The following RAB18 variants were observed in gnomAD, a reference collection of about 807,000 sequenced individuals.
RAB18 encodes RAB18, member RAS oncogene family.
In RAB18, 10 loss-of-function variants were observed where a neutral mutation model predicts 28.5. That is an observed-to-expected ratio of 0.35 (90% CI 0.22 to 0.60). RAB18 has a LOEUF of 0.60. Ranked by LOEUF, RAB18 falls within the 20% of genes least tolerant of loss-of-function variation. RAB18 has a pLI of 0.78. For missense variants in RAB18, 188 were observed against 244.2 expected, an observed-to-expected ratio of 0.77 and a Z score of 1.53; for synonymous variants, 93 against 86.9, an observed-to-expected ratio of 1.07 and a Z score of -0.39.
At position 27,539,894 on chromosome 10, in the gene RAB18, T is replaced by A. The variant is rs1192003287; in HGVS notation, c.*1843T>A. 1 of 453,718 alleles carries A rather than the reference T, an allele frequency of 2.2e-6. No homozygotes were observed. The highest frequency in any genetic ancestry group is 4.4e-6 in the Non-Finnish European group (1 of 226,640). The allele number at this position is 453,718 out of a possible 1,614,324, so 28.1% of individuals were successfully genotyped here. On this transcript the variant is annotated 3_prime_UTR_variant, in exon 7 of 7. Transcript: ENST00000356940. ...CTCATCAGCTGAAGAATATGTACTA[T>A]TGTGTTACTCAAATTATGTGGCTTT...
chr10:27,536,037 A>C (rs375732507), intron 6 of RAB18, among the ~76,000 whole-genome samples: 311 of 151,466 alleles, frequency 2.1e-3, no homozygotes, highest in African/African-American at 6.4e-3. Context: ...GAGCGAGATC[A>C]CGCCACTGCA....
chr10:27,518,087 A>G (rs1482520497), intron 2 of RAB18, among the ~76,000 whole-genome samples: 1 of 152,066 alleles, frequency 6.6e-6, no homozygotes, highest in African/African-American at 2.4e-5. Flanking sequence ...GCTGAGCTAT[A>G]TTCCATTGTG....
intron 2 of RAB18, among the ~76,000 whole-genome samples, chr10:27,510,945 T>A (rs1221047827): frequency 6.6e-6 from 1 of 152,226 alleles, no homozygotes; most frequent in Non-Finnish European, 1.5e-5. Context: ...TTGTCACATT[T>A]GCTTTATCAT....
intron 2 of RAB18, among the ~76,000 whole-genome samples, chr10:27,520,726 G>A (rs775579403): frequency 3.3e-5 from 5 of 151,704 alleles, no homozygotes; most frequent in Non-Finnish European, 5.9e-5. Flanking sequence ...AGATCTGTCT[G>A]GCCAACATGG....
chr10:27,513,361 A>G (rs574924552), intron 2 of RAB18, among the ~76,000 whole-genome samples: 2 of 152,236 alleles, frequency 1.3e-5, no homozygotes, highest in Admixed American at 6.5e-5. Context: ...ACATAAAAAC[A>G]ATTACTTAAT....
intron 6 of RAB18, 103 bp from the exon 7 acceptor site, chr10:27,537,773 T>C (rs1834929977): frequency 1.0e-6 from 1 of 976,270 alleles, no homozygotes; most frequent in Non-Finnish European, 1.5e-6. Flanking sequence ...TGGATCTTAA[T>C]ATATTGTAGG....
At chr10:27,507,156 A>G (rs1837862804) in intron 1 of RAB18, among the ~76,000 whole-genome samples, 3 of 152,216 alleles carry the variant, frequency 2.0e-5, no homozygotes, top group Non-Finnish European at 4.4e-5. Context: ...GTTTGTTTCT[A>G]TTTCATTACA....
rs1166214786 is a variant in RAB18 at position 27,539,604 on chromosome 10, T to C, written c.*1553T>C. On this transcript the variant is annotated 3_prime_UTR_variant, in exon 7 of 7. Transcript: ENST00000356940. Reference sequence around the variant, plus strand: ...ATGTACTTGTGATTTGTTCATGTTATATTAAAACTTGAGATTTGTGTATTT... The same window carrying C: ...ATGTACTTGTGATTTGTTCATGTTACATTAAAACTTGAGATTTGTGTATTT... The C allele has an allele frequency of 1.6e-5, 7 of 447,084 alleles. No homozygotes were observed. The highest frequency in any genetic ancestry group is 3.1e-5 in the Non-Finnish European group (7 of 225,066). 27.7% of individuals were successfully genotyped at this position (447,084 alleles called of 1,614,324 possible). A position where few individuals can be genotyped will look rare whatever the true frequency, so the allele number is the denominator to read the frequency against.
rs970421221 is a variant in RAB18 at position 27,540,242 on chromosome 10, A to G, written c.*2191A>G. 4 of 454,016 alleles carry G rather than the reference A, an allele frequency of 8.8e-6. No homozygotes were observed. Among genetic ancestry groups the G allele is most frequent in the African/African-American group, 8.0e-5 (4 of 50,104 alleles). The allele number at this position is 454,016 out of a possible 1,614,324, so 28.1% of individuals were successfully genotyped here. ...AATTATCTCATTAAACCTCACAGCA[A>G]CCTTAAGAGATTAGTACTCCTATTA... On this transcript the variant is annotated 3_prime_UTR_variant, in exon 7 of 7. Coordinates refer to ENST00000356940, the MANE Select transcript of RAB18 (RefSeq NM_021252.5).
chr10:27,506,091 G>T (rs776901595), intron 1 of RAB18, among the ~76,000 whole-genome samples: 1 of 152,128 alleles, frequency 6.6e-6, no homozygotes, highest in African/African-American at 2.4e-5. Context: ...ACAGCCTTGT[G>T]ATCTTTCTTT....
chr10:27,508,566 T>C (rs2138967690), intron 1 of RAB18, among the ~76,000 whole-genome samples: 1 of 152,348 alleles, frequency 6.6e-6, no homozygotes, highest in Non-Finnish European at 1.5e-5. Flanking sequence ...TTAAGAGTCT[T>C]ACTAGTATTG....
At chr10:27,522,964 A>G (rs1387282629) in intron 2 of RAB18, among the ~76,000 whole-genome samples, 1 of 151,612 alleles carries the variant, frequency 6.6e-6, no homozygotes, top group Non-Finnish European at 1.5e-5. Flanking sequence ...CAACTTTTGG[A>G]TTCATTGATT....
intron 6 of RAB18, 98 bp from the exon 7 acceptor site, chr10:27,537,778 T>C: frequency 1.9e-6 from 2 of 1,035,488 alleles, no homozygotes; most frequent in Non-Finnish European, 2.9e-6. Context: ...CTTAATATAT[T>C]GTAGGCTGAT....
At chr10:27,526,502 T>C (rs1834675862) in intron 2 of RAB18, among the ~76,000 whole-genome samples, 1 of 152,234 alleles carries the variant, frequency 6.6e-6, no homozygotes, top group Admixed American at 6.5e-5. Flanking sequence ...TAGTCTTCTT[T>C]ATGTGAGCAT....
rs79997838 is a variant in RAB18 at position 27,524,778 on chromosome 10, C to A, written c.125-2050C>A. ...ACCAATTAAGATAAATTATCAGCCA[C>A]TTAACAAAAGAGAAGCATGATGAAG... On this transcript the variant is annotated intron_variant, in intron 2 of 6. Transcript: ENST00000356940. 2.7e-3 allele frequency among the ~76,000 whole-genome samples: 417 copies of A among 152,288 alleles called. 2 individuals are homozygous for A. The highest frequency in any genetic ancestry group is 9.7e-3 in the African/African-American group (404 of 41,566).
intron 2 of RAB18, among the ~76,000 whole-genome samples, chr10:27,513,181 T>A (rs2138979347): frequency 6.6e-6 from 1 of 151,936 alleles, no homozygotes; most frequent in East Asian, 1.9e-4. Flanking sequence ...ATTGCAGGTG[T>A]GTGCCACCAT....
In RAB18 at chr10:27,542,089, A is replaced by G. The variant is rs746250477; in HGVS notation, c.*4038A>G. The G allele has an allele frequency of 2.2e-6, 1 of 453,894 alleles. No homozygotes were observed. Among genetic ancestry groups the G allele is most frequent in the East Asian group, 6.9e-5 (1 of 14,392 alleles). 28.1% of individuals were successfully genotyped at this position (453,894 alleles called of 1,614,324 possible). ...TGAACTTGCTGCAGCTCGTTTTTCT[A>G]ATATAAAGGAACCAGCCTGAGGCAG... On this transcript the variant is annotated 3_prime_UTR_variant, in exon 7 of 7. Coordinates refer to ENST00000356940, the MANE Select transcript of RAB18 (RefSeq NM_021252.5).
chr10:27,505,936 T>C lies in RAB18; in HGVS notation c.68+1499T>C, dbSNP rs148986460. Among the ~76,000 whole-genome samples the C allele has an allele frequency of 1.8e-3, 268 of 152,316 alleles. 1 individual carries two copies. The highest frequency in any genetic ancestry group is 2.9e-3 in the Admixed American group (45 of 15,298). On this transcript the variant is annotated intron_variant, in intron 1 of 6. Coordinates refer to ENST00000356940, the MANE Select transcript of RAB18 (RefSeq NM_021252.5). ...GATTTGCACATACCAAGGAATAGAA[T>C]AATGAAATACTATGAGTTAGCAAAC...
chr10:27,533,285 AC>A (rs921245879), intron 4 of RAB18, among the ~76,000 whole-genome samples: 28 of 152,208 alleles, frequency 1.8e-4, no homozygotes, highest in Admixed American at 4.6e-4. Flanking sequence ...TAACTGTACT[AC>A]AATTTTTTCA....
Sources: allele counts gnomAD v4.1 joint callset (sites outside exome capture counted in the v4.1 genomes callset), GRCh38; gene constraint gnomAD v4.1.1; transcripts MANE v1.5; gene names NCBI Gene and HGNC (gene_info 2026-07-23, HGNC 2026-07-21).